The following XPR1 variants were observed in gnomAD, a reference collection of about 807,000 sequenced individuals.
XPR1 encodes the protein xenotropic and polytropic retrovirus receptor 1, also known as solute carrier family 53 member 1.
A neutral mutation model predicts 87.5 loss-of-function variants in XPR1; 28 were observed. That is an observed-to-expected ratio of 0.32 (90% CI 0.24 to 0.44). The LOEUF (loss-of-function observed/expected upper bound fraction) is 0.44, where lower values mean the gene tolerates loss of function less well. XPR1 is among the 20% of genes least tolerant of loss of function. The probability of loss-of-function intolerance (pLI) is 1.00; values close to 1 mark genes in which losing one functional copy is unlikely to be tolerated. For missense variants in XPR1, 559 were observed against 862.3 expected, an observed-to-expected ratio of 0.65 and a Z score of 4.41; for synonymous variants, 300 against 306.1, an observed-to-expected ratio of 0.98 and a Z score of 0.21.
rs1047888026 is a variant in XPR1, at chr1:180,729,853, A to T, written c.121+47442A>T. ...TTTTCTCCCATTCTCTAAGTTATTT[A>T]CTCTGTTTATATTTTCTTCTGCTGT... is the stretch of plus-strand genomic sequence containing the variant. On this transcript the variant is annotated intron_variant, in intron 2 of 14. Transcript: ENST00000367590. 2.6e-5 allele frequency among the ~76,000 whole-genome samples: 4 copies of T among 151,768 alleles called. 1 individual carries two copies. In the East Asian group the frequency reaches 7.8e-4, roughly 29 times the overall value.
chr1:180,846,449 A>T (rs1038056650), intron 11 of XPR1, among the ~76,000 whole-genome samples: 129 of 145,748 alleles, frequency 8.9e-4, no homozygotes, highest in African/African-American at 2.4e-3. Context: ...TTATTTATTT[A>T]TTTTTTTTTT....
intron 14 of XPR1, among the ~76,000 whole-genome samples, chr1:180,881,549 T>C (rs1652854044): frequency 6.6e-6 from 1 of 152,156 alleles, no homozygotes; most frequent in African/African-American, 2.4e-5. Flanking sequence ...TAAGATATAT[T>C]AGGCAAGGGA....
At chr1:180,643,469 A>G (rs982428447) in intron 1 of XPR1, among the ~76,000 whole-genome samples, 3 of 152,182 alleles carry the variant, frequency 2.0e-5, no homozygotes, top group African/African-American at 7.2e-5. Flanking sequence ...CTGAATGCCT[A>G]CTATTTGTCA....
At chr1:180,716,754 T>C (rs1557971972) in intron 2 of XPR1, among the ~76,000 whole-genome samples, 1 of 152,210 alleles carries the variant, frequency 6.6e-6, no homozygotes, top group Non-Finnish European at 1.5e-5. Flanking sequence ...AATTAGGTCT[T>C]TTACCTCTAG....
chr1:180,803,778 G>A (rs1302763719), intron 4 of XPR1, among the ~76,000 whole-genome samples, 167 bp downstream of exon 4: 1 of 152,166 alleles, frequency 6.6e-6, no homozygotes. Flanking sequence ...GTCAGAGGCA[G>A]TAAAACTGTG....
intron 2 of XPR1, among the ~76,000 whole-genome samples, chr1:180,705,462 G>A (rs1657524973): frequency 6.6e-6 from 1 of 152,208 alleles, no homozygotes; most frequent in Non-Finnish European, 1.5e-5. Context: ...TGGAAATGTA[G>A]TGTGATTAAA....
chr1:180,746,901 T>C (rs2102031768), intron 2 of XPR1, among the ~76,000 whole-genome samples: 1 of 152,202 alleles, frequency 6.6e-6, no homozygotes, highest in East Asian at 1.9e-4. Flanking sequence ...TTTGTTGTTT[T>C]GTATATAAAA....
At chr1:180,680,605 C>G (rs1031318152) in intron 1 of XPR1, among the ~76,000 whole-genome samples, 1 of 152,060 alleles carries the variant, frequency 6.6e-6, no homozygotes, top group African/African-American at 2.4e-5. Context: ...CCTCGTGATC[C>G]GCTCTCCTCG....
At chr1:180,822,792 T>A (rs916185192) in intron 7 of XPR1, among the ~76,000 whole-genome samples, 16 of 152,188 alleles carry the variant, frequency 1.1e-4, no homozygotes, top group East Asian at 9.6e-4. Flanking sequence ...TAAAAAAAAA[T>A]AAATAATTTG....
rs1474564854 is a variant in XPR1 at position 180,836,619 on chromosome 1, A to G, written c.1404A>G (p.Arg468=). 1 of 1,614,130 alleles carries G rather than the reference A, an allele frequency of 6.2e-7. No homozygotes were observed. Among genetic ancestry groups the G allele is most frequent in the South Asian group, 1.1e-5 (1 of 91,088 alleles). Residue 468 remains arginine, a synonymous_variant, in exon 11 of 15, where the codon CGA becomes CGG. Coordinates refer to ENST00000367590, the MANE Select transcript of XPR1 (RefSeq NM_004736.4). ...TCATCCAGTGCCTGCGCCGATATCG[A>G]GACACAAAAAGGGCCTTTCCTCATT... ...LRFIQCLRRY[R]DTKRAFPHLV... is the part of the protein sequence containing the mutation.
At chr1:180,826,920 G>A (rs1178497875) in intron 9 of XPR1, among the ~76,000 whole-genome samples, 4 of 151,800 alleles carry the variant, frequency 2.6e-5, no homozygotes, top group East Asian at 1.9e-4. Flanking sequence ...TTGGGAGGCC[G>A]AGGTGGGTGG....
chr1:180,752,903 T>C (rs1647587596), intron 2 of XPR1, among the ~76,000 whole-genome samples: 1 of 152,240 alleles, frequency 6.6e-6, no homozygotes, highest in Non-Finnish European at 1.5e-5. Context: ...AATAATTCTG[T>C]AATTTTATAT....
chr1:180,714,393 CTCTCTCTCT>C (rs1197770943), intron 2 of XPR1, among the ~76,000 whole-genome samples: 4 of 141,896 alleles, frequency 2.8e-5, no homozygotes, highest in African/African-American at 8.3e-5. Context: ...CTCTCTCTCT[CTCTCTCTCT>C]GTCGTCTGTC....
At chr1:180,726,616 G>A (rs1052875918) in intron 2 of XPR1, among the ~76,000 whole-genome samples, 1 of 152,112 alleles carries the variant, frequency 6.6e-6, no homozygotes, top group East Asian at 1.9e-4. Context: ...GACTTTATTT[G>A]CCTTTTTCAC....
intron 2 of XPR1, among the ~76,000 whole-genome samples, chr1:180,767,617 A>T (rs1314437543): frequency 1.3e-5 from 2 of 152,348 alleles, no homozygotes; most frequent in Non-Finnish European, 2.9e-5. Flanking sequence ...AACATTATGA[A>T]GCTGTTAAAA....
intron 2 of XPR1, among the ~76,000 whole-genome samples, chr1:180,688,111 C>T (rs1220499701): frequency 3.4e-5 from 5 of 144,962 alleles, no homozygotes; most frequent in African/African-American, 1.0e-4. Context: ...AGTGCAGTGG[C>T]GTGATCTCGG....
At chr1:180,797,887 A>G (rs1323282686) in intron 3 of XPR1, among the ~76,000 whole-genome samples, 1 of 152,176 alleles carries the variant, frequency 6.6e-6, no homozygotes, top group African/African-American at 2.4e-5. Context: ...TATTACTGAA[A>G]CGCTAAGGGC....
chr1:180,853,645 A>G (rs1039279895), intron 11 of XPR1, among the ~76,000 whole-genome samples: 2 of 151,394 alleles, frequency 1.3e-5, no homozygotes, highest in Non-Finnish European at 2.9e-5. Flanking sequence ...ACACACACAC[A>G]CACACACACA....
chr1:180,770,125 CA>C (rs1648452619), intron 2 of XPR1, among the ~76,000 whole-genome samples: 1 of 152,200 alleles, frequency 6.6e-6, no homozygotes, highest in Admixed American at 6.5e-5. Context: ...CCTTTTGCTT[CA>C]GTGCTCAGCT....
Sources: allele counts gnomAD v4.1 joint callset (sites outside exome capture counted in the v4.1 genomes callset), GRCh38; gene constraint gnomAD v4.1.1; transcripts MANE v1.5; gene names NCBI Gene and HGNC (gene_info 2026-07-23, HGNC 2026-07-21).